COL25A1: variants seen among roughly 807,000 people sequenced by gnomAD.
COL25A1 encodes collagen alpha-1(XXV) chain.
COL25A1 carries 103 observed loss-of-function variants against 128.4 expected under a neutral mutation model. The observed-to-expected ratio is 0.80, with a 90% CI of 0.68 to 0.94. The LOEUF is 0.94. Ranked by LOEUF, COL25A1 falls within the 40% of genes least tolerant of loss-of-function variation. COL25A1 has a pLI of 0.00. For missense variants in COL25A1, 745 were observed against 840.0 expected (o/e 0.89, Z 1.40); for synonymous variants, 279 against 277.2 (o/e 1.01, Z -0.06).
At chr4:108,926,427 T>C (rs963613634) in intron 11 of COL25A1, among the ~76,000 whole-genome samples, 6 of 152,138 alleles carry the variant, frequency 3.9e-5, no homozygotes, top group African/African-American at 1.4e-4. Flanking sequence ...AGCCCAAAAC[T>C]ATTAAGCCAT....
chr4:109,131,261 A>G (rs2126068637), intron 3 of COL25A1, among the ~76,000 whole-genome samples: 1 of 152,332 alleles, frequency 6.6e-6, no homozygotes, highest in South Asian at 2.1e-4. Context: ...CTTTTAAAGT[A>G]CTATTAAATT....
chr4:109,189,329 C>T (rs1004259772), intron 3 of COL25A1, among the ~76,000 whole-genome samples: 1 of 152,026 alleles, frequency 6.6e-6, no homozygotes, highest in Non-Finnish European at 1.5e-5. Flanking sequence ...AGGTTGATCA[C>T]TTGAGGTCAG....
At chr4:109,175,496 AT>A (rs1560813958) in intron 3 of COL25A1, among the ~76,000 whole-genome samples, 1 of 152,204 alleles carries the variant, frequency 6.6e-6, no homozygotes, top group Non-Finnish European at 1.5e-5. Context: ...AGTTCTTCAT[AT>A]AAAACACAAT....
intron 6 of COL25A1, among the ~76,000 whole-genome samples, chr4:108,984,724 C>T (rs886420670): frequency 6.6e-6 from 1 of 152,212 alleles, no homozygotes; most frequent in Non-Finnish European, 1.5e-5. Context: ...TGTTCCTGCC[C>T]GCGCCTCTCC....
intron 19 of COL25A1, among the ~76,000 whole-genome samples, chr4:108,882,038 C>T (rs1342259077): frequency 6.6e-6 from 1 of 152,094 alleles, no homozygotes; most frequent in African/African-American, 2.4e-5. Context: ...ATCAGAGCTA[C>T]CTGACCTCGA....
At chr4:109,269,163 A>T (rs1782005968) in intron 3 of COL25A1, among the ~76,000 whole-genome samples, 2 of 145,810 alleles carry the variant, frequency 1.4e-5, no homozygotes, top group African/African-American at 5.1e-5. Flanking sequence ...ATTCCCACCT[A>T]TGAGTGAGAA....
chr4:108,846,579 G>A (rs1211919061), intron 27 of COL25A1, among the ~76,000 whole-genome samples: 1 of 152,072 alleles, frequency 6.6e-6, no homozygotes, highest in Non-Finnish European at 1.5e-5. Context: ...GATGTATTTT[G>A]AACTGGGACC....
At chr4:109,176,956 G>T (rs1341355583) in intron 3 of COL25A1, among the ~76,000 whole-genome samples, 5 of 152,184 alleles carry the variant, frequency 3.3e-5, no homozygotes, top group Admixed American at 2.0e-4. Flanking sequence ...ACTGTAGACT[G>T]CTGGCCTCCA....
At chr4:108,905,552 A>T (rs953631844) in intron 13 of COL25A1, among the ~76,000 whole-genome samples, 18 of 150,622 alleles carry the variant, frequency 1.2e-4, no homozygotes, top group East Asian at 9.7e-4. Context: ...AATAATAATA[A>T]TATTACTTGT....
intron 3 of COL25A1, among the ~76,000 whole-genome samples, chr4:109,069,334 C>T (rs1173424862): frequency 6.6e-6 from 1 of 151,856 alleles, no homozygotes; most frequent in Non-Finnish European, 1.5e-5. Context: ...ACCTGAGCCT[C>T]CCCAGTAGTT....
intron 11 of COL25A1, among the ~76,000 whole-genome samples, chr4:108,923,181 A>G (rs577010849): frequency 6.6e-6 from 1 of 152,326 alleles, no homozygotes; most frequent in African/African-American, 2.4e-5. Flanking sequence ...TAAGCTTACA[A>G]ATCAAAGTTT....
At chr4:109,140,263 G>C (rs924174814) in intron 3 of COL25A1, among the ~76,000 whole-genome samples, 1 of 152,166 alleles carries the variant, frequency 6.6e-6, no homozygotes, top group Non-Finnish European at 1.5e-5. Context: ...TTATTTCTAA[G>C]GCCTTTGTTC....
At chr4:109,131,066 A>G (rs1039383348) in intron 3 of COL25A1, among the ~76,000 whole-genome samples, 7 of 152,194 alleles carry the variant, frequency 4.6e-5, no homozygotes, top group Admixed American at 4.6e-4. Flanking sequence ...AATTTCAAAT[A>G]ATTTCACAAT....
At chr4:108,979,414 G>C (rs1752743394) in intron 6 of COL25A1, among the ~76,000 whole-genome samples, 2 of 152,186 alleles carry the variant, frequency 1.3e-5, no homozygotes, top group Admixed American at 1.3e-4. Flanking sequence ...GGAAAAGAGA[G>C]ATATATTCAT....
intron 3 of COL25A1, among the ~76,000 whole-genome samples, chr4:109,170,031 G>T (rs1773443090): frequency 6.6e-6 from 1 of 151,924 alleles, no homozygotes; most frequent in African/African-American, 2.4e-5. Context: ...AATATTAAAA[G>T]GTTTGGTGTT....
chr4:108,857,627 C>T (rs981120001), intron 24 of COL25A1, among the ~76,000 whole-genome samples: 1 of 149,672 alleles, frequency 6.7e-6, no homozygotes, highest in Admixed American at 6.7e-5. Flanking sequence ...AGCAAAGAAC[C>T]TATACAGGTA....
intron 3 of COL25A1, among the ~76,000 whole-genome samples, chr4:109,253,563 T>A (rs535379164): frequency 1.1e-3 from 168 of 152,204 alleles, no homozygotes; most frequent in African/African-American, 3.9e-3. Context: ...AATAGACACA[T>A]CCAGAAAAAC....
At position 109,008,325 on chromosome 4, in the gene COL25A1, C is replaced by A. The variant is rs574325910; in HGVS notation, c.438+2033G>T. Among the ~76,000 whole-genome samples the A allele has an allele frequency of 1.2e-4, 18 of 152,330 alleles. No homozygotes were observed. In the South Asian group the frequency reaches 3.7e-3, roughly 32 times the overall value. On this transcript the variant is annotated intron_variant, in intron 6 of 37. Coordinates refer to ENST00000399132, the MANE Select transcript of COL25A1 (RefSeq NM_198721.4). ...CTGGGACATGCTCTACATAGTCTCT[C>A]AAGATTCCTCAGCAGGATTGAGCCC...
chr4:109,024,304 G>C (rs185364038), intron 5 of COL25A1, among the ~76,000 whole-genome samples: 2 of 152,002 alleles, frequency 1.3e-5, no homozygotes, highest in African/African-American at 2.4e-5. Flanking sequence ...GTAAATATCT[G>C]ACTATTTCTT....
Sources: gnomAD v4.1 joint callset for allele counts (sites outside exome capture counted in the v4.1 genomes callset) on GRCh38, gnomAD v4.1.1 for gene constraint, MANE v1.5 for transcripts, NCBI Gene and HGNC (gene_info 2026-07-23, HGNC 2026-07-21) for gene names.